GRIP1: variants seen among roughly 807,000 people sequenced by gnomAD.
GRIP1 encodes the protein glutamate receptor interacting protein 1.
A neutral mutation model predicts 129.9 loss-of-function variants in GRIP1; 45 were observed. The ratio of observed to expected loss-of-function variants is 0.35; its 90% CI spans 0.27 to 0.44. The LOEUF (loss-of-function observed/expected upper bound fraction) is 0.44, where lower values mean the gene tolerates loss of function less well. Ranked by LOEUF, GRIP1 falls within the 20% of genes least tolerant of loss-of-function variation. The pLI is 1.00. For missense variants in GRIP1, 1,196 were observed against 1,396.8 expected (o/e 0.86, Z 2.29); for synonymous variants, 530 against 520.8 (o/e 1.02, Z -0.24).
chr12:66,445,834 C>A (rs1232065535), intron 11 of GRIP1, among the ~76,000 whole-genome samples: 1 of 152,048 alleles, frequency 6.6e-6, no homozygotes, highest in Admixed American at 6.5e-5. Flanking sequence ...AGCTGGGGAA[C>A]CTTGGGGTAG....
chr12:66,621,951 GC>G (rs2065287105), intron 1 of GRIP1, among the ~76,000 whole-genome samples: 2 of 151,908 alleles, frequency 1.3e-5, no homozygotes, highest in South Asian at 4.2e-4. Context: ...GTTTGTTTTT[GC>G]TTTTGCTGTT....
rs1197241915 is a variant in GRIP1 at position 66,852,152 on chromosome 12, C to T, written c.58+216898G>A. Among the ~76,000 whole-genome samples the T allele has an allele frequency of 2.0e-5, 3 of 152,016 alleles. No homozygotes were observed. In the South Asian group the frequency reaches 6.2e-4, roughly 31 times the overall value. On this transcript the variant is annotated intron_variant, in intron 1 of 1. Transcript: ENST00000643019. ...GTAAAGAAAGATGTCTATAAAAATA[C>T]AAATTCATTCTTCCATTTCTGGAAA...
chr12:67,047,739 T>C (rs1277532979), intron 1 of GRIP1, among the ~76,000 whole-genome samples: 1 of 152,226 alleles, frequency 6.6e-6, no homozygotes, highest in African/African-American at 2.4e-5. Flanking sequence ...ATTCTATCTT[T>C]GTGGAAAAGC....
intron 1 of GRIP1, among the ~76,000 whole-genome samples, chr12:66,941,127 C>T (rs917564345): frequency 6.6e-6 from 1 of 151,852 alleles, no homozygotes; most frequent in Non-Finnish European, 1.5e-5. Flanking sequence ...GCCTTAACAA[C>T]ACGTTCAATG....
At chr12:66,843,328 A>G (rs539390673) in intron 1 of GRIP1, among the ~76,000 whole-genome samples, 1 of 152,268 alleles carries the variant, frequency 6.6e-6, no homozygotes, top group South Asian at 2.1e-4. Context: ...TCTCATATTC[A>G]TGAATTGAAT....
chr12:66,903,713 C>G (rs2040881601), intron 1 of GRIP1, among the ~76,000 whole-genome samples: 2 of 152,140 alleles, frequency 1.3e-5, no homozygotes. Flanking sequence ...CACAGAAGGG[C>G]TTAAATCTAT....
chr12:67,056,732 G>A (rs544447677), intron 1 of GRIP1, among the ~76,000 whole-genome samples: 13 of 152,274 alleles, frequency 8.5e-5, no homozygotes, highest in Admixed American at 6.5e-4. Context: ...AACACTGAGA[G>A]ATGAAACTTG....
rs549784680 is a variant in GRIP1, at chr12:66,628,990, A to G, written c.56-32063T>C. 7.0e-4 allele frequency among the ~76,000 whole-genome samples: 106 copies of G among 152,358 alleles called. 3 individuals carry two copies. In the South Asian group the frequency reaches 0.02, roughly 29 times the overall value. On this transcript the variant is annotated intron_variant, in intron 1 of 24. Coordinates refer to ENST00000359742, the MANE Select transcript of GRIP1 (RefSeq NM_001366722.1). ...ACTCACAAGTAGTAGCTACTCAACAATCATTTTTAAATGCTATCATTAAAG... is the reference window on the plus strand; with the variant it reads ...ACTCACAAGTAGTAGCTACTCAACAGTCATTTTTAAATGCTATCATTAAAG...
intron 1 of GRIP1, among the ~76,000 whole-genome samples, chr12:66,982,574 A>G (rs2042254274): frequency 6.6e-6 from 1 of 152,178 alleles, no homozygotes; most frequent in Non-Finnish European, 1.5e-5. Flanking sequence ...AGAGGCCCTC[A>G]TGGTAAGAAA....
intron 1 of GRIP1, among the ~76,000 whole-genome samples, chr12:66,834,070 C>G (rs1000161497): frequency 6.6e-6 from 1 of 150,634 alleles, no homozygotes; most frequent in African/African-American, 2.4e-5. Context: ...CCCAGCTACT[C>G]CGGAGTCTGA....
chr12:66,569,769 C>T, intron 2 of GRIP1, among the ~76,000 whole-genome samples: 1 of 152,210 alleles, frequency 6.6e-6, no homozygotes, highest in South Asian at 2.1e-4. Context: ...TCCGAGCACC[C>T]CTTTTCCTTC....
chr12:66,396,471 T>C (rs2056792695), intron 16 of GRIP1, among the ~76,000 whole-genome samples: 2 of 152,220 alleles, frequency 1.3e-5, no homozygotes, highest in African/African-American at 2.4e-5. Flanking sequence ...GAGTATTCCA[T>C]GTTATTTTTT....
At chr12:66,472,696 G>A (rs1404924977) in intron 7 of GRIP1, among the ~76,000 whole-genome samples, 6 of 152,138 alleles carry the variant, frequency 3.9e-5, no homozygotes, top group South Asian at 2.1e-4. Context: ...AGGGTGGGGC[G>A]TTGCCTCACC....
At position 66,468,378 on chromosome 12, in the gene GRIP1, G is replaced by A. The variant is rs114064149; in HGVS notation, c.725-2956C>T. 6.3e-3 allele frequency among the ~76,000 whole-genome samples: 965 copies of A among 152,346 alleles called. 17 individuals are homozygous for A. Among genetic ancestry groups the A allele is most frequent in the African/African-American group, 0.022 (930 of 41,574 alleles). The stretch of plus-strand genomic sequence containing the variant: ...AGAGATTGAGAAAGAAACTTCTATC[G>A]TATTTATGTGAGCATTGTGAGTTTG... On this transcript the variant is annotated intron_variant, in intron 7 of 24. Transcript: ENST00000359742.
At chr12:67,041,273 CAT>C (rs1195297042) in intron 1 of GRIP1, among the ~76,000 whole-genome samples, 4 of 151,006 alleles carry the variant, frequency 2.6e-5, no homozygotes, top group Non-Finnish European at 5.9e-5. Context: ...TGTATATATC[CAT>C]ATATACACAC....
At chr12:66,649,693 TA>T (rs1319367767) in intron 1 of GRIP1, among the ~76,000 whole-genome samples, 1 of 152,142 alleles carries the variant, frequency 6.6e-6, no homozygotes, top group Non-Finnish European at 1.5e-5. Flanking sequence ...TGGAAATTGG[TA>T]AAGTTTCATT....
chr12:66,348,926 T>C lies in GRIP1; in HGVS notation c.*93A>G, dbSNP rs1284400061. The C allele has an allele frequency of 2.2e-6, 2 of 903,828 alleles. No individual in the cohort carries two copies. Among genetic ancestry groups the C allele is most frequent in the Admixed American group, 1.7e-5 (1 of 59,020 alleles). The allele number at this position is 903,828 out of a possible 1,614,324, so 56.0% of individuals were successfully genotyped here. A position where few individuals can be genotyped will look rare whatever the true frequency, so the allele number is the denominator to read the frequency against. The stretch of plus-strand genomic sequence containing the variant: ...GTGCTTGCAGTTAATGCCACGTTGA[T>C]TGATTATCTGTGCTTCAAAGGTCAC... On this transcript the variant is annotated 3_prime_UTR_variant, in exon 25 of 25. Transcript: ENST00000359742.
In GRIP1 at chr12:66,607,134, T is replaced by C. The variant is rs573404144; in HGVS notation, c.56-10207A>G. Among the ~76,000 whole-genome samples the C allele has an allele frequency of 3.1e-3, 473 of 152,292 alleles. 1 individual carries two copies. Among genetic ancestry groups the C allele is most frequent in the Non-Finnish European group, 5.7e-3 (388 of 68,036 alleles). On this transcript the variant is annotated intron_variant, in intron 1 of 24. Transcript: ENST00000359742. Reference sequence around the variant, plus strand: ...GACTAAATGTCACTGATATAGGGACTTGGGGCTGCATTTGAAGATCTTCTG... The same window carrying C: ...GACTAAATGTCACTGATATAGGGACCTGGGGCTGCATTTGAAGATCTTCTG...
intron 23 of GRIP1, among the ~76,000 whole-genome samples, chr12:66,360,671 T>C (rs2054713986): frequency 6.6e-6 from 1 of 152,318 alleles, no homozygotes; most frequent in South Asian, 2.1e-4. Flanking sequence ...ACATTCAACC[T>C]TGTTTTATAT....
Sources: allele counts gnomAD v4.1 joint callset (sites outside exome capture counted in the v4.1 genomes callset), GRCh38; gene constraint gnomAD v4.1.1; transcripts MANE v1.5; gene names NCBI Gene and HGNC (gene_info 2026-07-23, HGNC 2026-07-21).